The following FGD4 variants were observed in gnomAD, a reference collection of about 807,000 sequenced individuals.
FGD4 encodes FYVE, RhoGEF and PH domain-containing protein 4.
A neutral mutation model predicts 102.0 loss-of-function variants in FGD4; 42 were observed. That is an observed-to-expected ratio of 0.41 (90% CI 0.32 to 0.53). The LOEUF is 0.53. Among genes scored for constraint, FGD4 ranks in the 20% least tolerant of loss-of-function variants. FGD4 has a pLI of 0.21. For missense variants in FGD4, 902 were observed against 1,078.2 expected, an observed-to-expected ratio of 0.84 and a Z score of 2.29; for synonymous variants, 380 against 375.7, an observed-to-expected ratio of 1.01 and a Z score of -0.13.
At chr12:32,412,818 G>A (rs1406600502) in intron 1 of FGD4, among the ~76,000 whole-genome samples, 1 of 151,058 alleles carries the variant, frequency 6.6e-6, no homozygotes. Flanking sequence ...TAGACCTCGT[G>A]ATCTGCCTGC....
At chr12:32,606,023 T>A (rs1948757331) in intron 7 of FGD4, among the ~76,000 whole-genome samples, 1 of 152,190 alleles carries the variant, frequency 6.6e-6, no homozygotes, top group Non-Finnish European at 1.5e-5. Context: ...ACTAACCTAG[T>A]TTAGAATCCT....
Position 32,564,133 on chromosome 12 carries a change from G to A in FGD4, c.167-4G>A. On this transcript the variant is annotated splice_polypyrimidine_tract_variant and splice_region_variant and intron_variant, in intron 1 of 16. Transcript: ENST00000534526. ...ACCTGCCCTTTCTTTCTGAACTCTT[G>A]CAGGCAGCAGTACCTGTCCAAAGAT... 2 of 1,534,688 alleles carry A rather than the reference G, an allele frequency of 1.3e-6. No individual in the cohort carries two copies. The highest frequency in any genetic ancestry group is 1.2e-5 in the South Asian group (1 of 83,816).
chr12:32,631,473 T>C (rs1445734801), intron 14 of FGD4, among the ~76,000 whole-genome samples: 1 of 152,054 alleles, frequency 6.6e-6, no homozygotes, highest in East Asian at 1.9e-4. Flanking sequence ...ACAGTACTTT[T>C]GTGATTAAAA....
At chr12:32,573,350 C>G (rs1048630487) in intron 2 of FGD4, among the ~76,000 whole-genome samples, 1 of 152,186 alleles carries the variant, frequency 6.6e-6, no homozygotes, top group Non-Finnish European at 1.5e-5. Context: ...CCGCCTTGGC[C>G]TCCCAAAGTG....
chr12:32,505,749 A>G (rs571679827), intron 1 of FGD4, among the ~76,000 whole-genome samples: 1 of 152,310 alleles, frequency 6.6e-6, no homozygotes, highest in African/African-American at 2.4e-5. Flanking sequence ...GTTCTTTTGT[A>G]ACAAACCTGT....
In FGD4 at chr12:32,563,410, G is replaced by A. The variant is rs369982039; in HGVS notation, c.167-727G>A. On this transcript the variant is annotated intron_variant, in intron 1 of 16. Coordinates refer to ENST00000534526, the MANE Select transcript of FGD4 (RefSeq NM_001370298.3). Reference sequence around the variant, plus strand: ...CCCACATCTCAGACGATGGGCGGCCGGGCAGAGACGCTCCTCAGTTCCTAG... The same window carrying A: ...CCCACATCTCAGACGATGGGCGGCCAGGCAGAGACGCTCCTCAGTTCCTAG... Among the ~76,000 whole-genome samples, 7 of 151,634 alleles carry A rather than the reference G, an allele frequency of 4.6e-5. No homozygotes were observed. In the South Asian group the frequency reaches 1.0e-3, roughly 23 times the overall value.
intron 14 of FGD4, among the ~76,000 whole-genome samples, chr12:32,631,823 G>T (rs1484614896): frequency 1.3e-5 from 2 of 151,896 alleles, no homozygotes; most frequent in Non-Finnish European, 2.9e-5. Context: ...TTTTTATCAG[G>T]GTAAGACTTT....
intron 1 of FGD4, among the ~76,000 whole-genome samples, chr12:32,400,836 T>A (rs1341184975): frequency 6.6e-6 from 1 of 152,010 alleles, no homozygotes; most frequent in Non-Finnish European, 1.5e-5. Flanking sequence ...CATTTCATTC[T>A]GATTAAGCAA....
In FGD4 at chr12:32,576,322, C is replaced by A. The variant is rs199744649; in HGVS notation, c.376C>A (p.Pro126Thr). Residue 126 changes from proline to threonine, a missense_variant, in exon 3 of 17, where the codon CCC (proline) becomes ACC (threonine). Physicochemically the swap from Pro to Thr is conservative, Grantham distance 38 (BLOSUM62 -1). Coordinates refer to ENST00000534526, the MANE Select transcript of FGD4 (RefSeq NM_001370298.3). ...ACCTTCGTCCAATATACACCAAACC[C>A]CCAGGCATAAAGCTTTACCTAGTGC... is the stretch of plus-strand genomic sequence containing the variant. Reference protein sequence around the residue: ...NSPSSNIHQTPRHKALPSAKP... With the variant: ...NSPSSNIHQTTRHKALPSAKP... 562 of 1,613,790 alleles carry A rather than the reference C, an allele frequency of 3.5e-4. 1 individual carries two copies. Among genetic ancestry groups the A allele is most frequent in the Admixed American group, 6.0e-4 (36 of 59,960 alleles).
At chr12:32,545,786 A>G (rs1428432121) in intron 1 of FGD4, among the ~76,000 whole-genome samples, 8 of 152,194 alleles carry the variant, frequency 5.3e-5, no homozygotes, top group Middle Eastern at 3.2e-3. Context: ...ATTCATATCT[A>G]TGCAGCTCTT....
At chr12:32,402,633 G>A (rs1940736611) in intron 1 of FGD4, among the ~76,000 whole-genome samples, 5 of 151,156 alleles carry the variant, frequency 3.3e-5, no homozygotes, top group African/African-American at 1.2e-4. Flanking sequence ...AGAAAACCCA[G>A]AGCAGTTTTT....
chr12:32,459,543 G>A (rs1413821990), intron 1 of FGD4, among the ~76,000 whole-genome samples: 1 of 151,940 alleles, frequency 6.6e-6, no homozygotes, highest in East Asian at 1.9e-4. Flanking sequence ...GGCACTCAAA[G>A]ATGCTTCTGC....
intron 14 of FGD4, 23 bp from the exon 15 acceptor site, chr12:32,633,526 T>C (rs76834265): frequency 6.2e-7 from 1 of 1,605,108 alleles, no homozygotes; most frequent in African/African-American, 1.3e-5. Context: ...ATGATTACTG[T>C]TCATTTTTCT....
chr12:32,475,772 A>T (rs961151408), intron 1 of FGD4, among the ~76,000 whole-genome samples: 1 of 152,162 alleles, frequency 6.6e-6, no homozygotes, highest in Admixed American at 6.5e-5. Flanking sequence ...TTACCACCAC[A>T]TCCTAGAGGC....
At chr12:32,412,375 A>G (rs1565725169) in intron 1 of FGD4, among the ~76,000 whole-genome samples, 1 of 152,204 alleles carries the variant, frequency 6.6e-6, no homozygotes, top group African/African-American at 2.4e-5. Flanking sequence ...GGAAAAATCT[A>G]TTCCTAATAC....
intron 1 of FGD4, among the ~76,000 whole-genome samples, chr12:32,559,756 A>C (rs1220885338): frequency 6.6e-6 from 1 of 152,222 alleles, no homozygotes; most frequent in Non-Finnish European, 1.5e-5. Flanking sequence ...CATTCAAATT[A>C]ATATTTAGGT....
intron 1 of FGD4, among the ~76,000 whole-genome samples, chr12:32,550,716 A>T (rs943531784): frequency 4.0e-5 from 6 of 151,414 alleles, no homozygotes; most frequent in African/African-American, 1.5e-4. Flanking sequence ...GTTCATTAGC[A>T]CTTAAACATG....
intron 4 of FGD4, among the ~76,000 whole-genome samples, chr12:32,592,270 A>G (rs1446992372): frequency 1.3e-5 from 2 of 151,772 alleles, no homozygotes; most frequent in African/African-American, 4.8e-5. Context: ...TTCAGTAGAG[A>G]TGGGATTTTA....
At chr12:32,504,991 T>C (rs1938568229) in intron 1 of FGD4, among the ~76,000 whole-genome samples, 1 of 152,214 alleles carries the variant, frequency 6.6e-6, no homozygotes, top group South Asian at 2.1e-4. Context: ...TCCTTCAGTT[T>C]CTTTGCTTTT....
Sources: gnomAD v4.1 joint callset for allele counts (sites outside exome capture counted in the v4.1 genomes callset) on GRCh38, gnomAD v4.1.1 for gene constraint, MANE v1.5 for transcripts, NCBI Gene and HGNC (gene_info 2026-07-23, HGNC 2026-07-21) for gene names.